The following CSMD2 variants were observed in gnomAD, a reference collection of about 807,000 sequenced individuals.
CSMD2 encodes CUB and Sushi multiple domains 2.
Under a neutral mutation model 398.5 loss-of-function variants are expected in CSMD2, and 130 were observed. That is an observed-to-expected ratio of 0.33 (90% CI 0.28 to 0.38). The LOEUF is 0.38. Ranked by LOEUF, CSMD2 falls within the 10% of genes least tolerant of loss-of-function variation. The pLI is 1.00. For missense variants in CSMD2, 3,829 were observed against 4,764.9 expected (o/e 0.80, Z 5.78); for synonymous variants, 1,828 against 1,908.5 (o/e 0.96, Z 1.10).
intron 1 of CSMD2, among the ~76,000 whole-genome samples, chr1:34,108,285 A>G (rs541474635): frequency 6.7e-6 from 1 of 150,312 alleles, no homozygotes; most frequent in Non-Finnish European, 1.5e-5. Context: ...GAGAGAGAGA[A>G]AAAAAAACCC....
At chr1:33,520,014 C>G (rs540430906) in intron 68 of CSMD2, 64 bp from the exon 69 acceptor site, 1 of 1,581,448 alleles carries the variant, frequency 6.3e-7, no homozygotes, top group Admixed American at 1.7e-5. Context: ...GTTGGCTACC[C>G]TCCCCGACTA....
At chr1:33,826,325 G>C (rs1425305404) in intron 6 of CSMD2, among the ~76,000 whole-genome samples, 1 of 152,132 alleles carries the variant, frequency 6.6e-6, no homozygotes, top group East Asian at 1.9e-4. Context: ...CTTGACTTTG[G>C]GTTTGGCCTT....
At chr1:34,014,601 A>T (rs1647821162) in intron 3 of CSMD2, among the ~76,000 whole-genome samples, 1 of 152,222 alleles carries the variant, frequency 6.6e-6, no homozygotes, top group African/African-American at 2.4e-5. Flanking sequence ...GCAAGCGACC[A>T]CTGTGCCCTA....
intron 10 of CSMD2, among the ~76,000 whole-genome samples, chr1:33,803,310 C>T (rs1321001789): frequency 1.3e-5 from 2 of 152,128 alleles, no homozygotes; most frequent in Non-Finnish European, 2.9e-5. Flanking sequence ...CTATTCTCAC[C>T]CACGTGCTGA....
At chr1:33,782,914 T>C (rs1411465057) in intron 12 of CSMD2, among the ~76,000 whole-genome samples, 1 of 152,108 alleles carries the variant, frequency 6.6e-6, no homozygotes, top group Non-Finnish European at 1.5e-5. Flanking sequence ...GTGCCAGATT[T>C]GGATTCTGGG....
In CSMD2 at chr1:33,567,637, C is replaced by T; in HGVS notation, c.8336G>A (p.Cys2779Tyr). The T allele has an allele frequency of 6.2e-7, 1 of 1,614,210 alleles. No individual in the cohort carries two copies. Among genetic ancestry groups the T allele is most frequent in the Non-Finnish European group, 8.5e-7 (1 of 1,180,018 alleles). Residue 2779 changes from cysteine (C) to tyrosine (Y), a missense_variant, in exon 53 of 71, where the codon TGC becomes TAC. Physicochemically the swap from Cys to Tyr is radical, Grantham distance 194. This residue lies in a region of CSMD2 where 917 missense variants were observed against 1,199.5 expected (regional missense o/e 0.76). Coordinates refer to ENST00000373381, the MANE Select transcript of CSMD2 (RefSeq NM_001281956.2). The part of the protein sequence containing the change: ...FRLIGMSVRI[C>Y]QQDHHWSGKT... Reference sequence around the variant, plus strand: ...GCCCGACCAGTGATGATCCTGCTGGCAGATGCGCACAGACATGCCGATCAG... The same window carrying T: ...GCCCGACCAGTGATGATCCTGCTGGTAGATGCGCACAGACATGCCGATCAG...
chr1:33,911,358 G>C (rs1440778096), intron 5 of CSMD2, among the ~76,000 whole-genome samples: 1 of 152,140 alleles, frequency 6.6e-6, no homozygotes, highest in African/African-American at 2.4e-5. Flanking sequence ...TGGATCTAAT[G>C]GCTCTTAAAT....
chr1:33,530,643 T>A (rs971465306), intron 64 of CSMD2, among the ~76,000 whole-genome samples: 27 of 152,300 alleles, frequency 1.8e-4, no homozygotes, highest in Admixed American at 1.6e-3. Context: ...ATCTGCACTC[T>A]CATGTTTATT....
chr1:33,656,742 T>C (rs1643959075), intron 27 of CSMD2, among the ~76,000 whole-genome samples: 1 of 152,178 alleles, frequency 6.6e-6, no homozygotes, highest in Non-Finnish European at 1.5e-5. Flanking sequence ...ATCCTAGCTC[T>C]GTGATTTGGG....
chr1:33,963,850 A>C (rs1645458123), intron 3 of CSMD2, among the ~76,000 whole-genome samples: 1 of 152,272 alleles, frequency 6.6e-6, no homozygotes, highest in Non-Finnish European at 1.5e-5. Flanking sequence ...TGTTCTTACA[A>C]ATAGAACCAC....
intron 2 of CSMD2, among the ~76,000 whole-genome samples, chr1:34,046,217 C>A (rs1196118711): frequency 6.6e-6 from 1 of 152,212 alleles, no homozygotes; most frequent in Non-Finnish European, 1.5e-5. Flanking sequence ...AGTGTCCAAT[C>A]TGAGTCCAAG....
chr1:33,710,593 CT>C (rs1163266650), intron 21 of CSMD2, among the ~76,000 whole-genome samples: 1 of 152,140 alleles, frequency 6.6e-6, no homozygotes, highest in Non-Finnish European at 1.5e-5. Flanking sequence ...AGCAAATCTG[CT>C]TTCTCTAAAC....
chr1:34,143,672 A>C (rs1268068209), intron 1 of CSMD2, among the ~76,000 whole-genome samples: 4 of 152,198 alleles, frequency 2.6e-5, no homozygotes, highest in African/African-American at 9.7e-5. Flanking sequence ...CAACTTGGTT[A>C]AACATATACA....
chr1:33,742,010 G>C (rs1441807069), intron 14 of CSMD2, among the ~76,000 whole-genome samples: 1 of 152,238 alleles, frequency 6.6e-6, no homozygotes, highest in Non-Finnish European at 1.5e-5. Context: ...GGGGCCAAGG[G>C]ATATAAAGAT....
At chr1:34,042,004 T>C (rs1486446803) in intron 2 of CSMD2, among the ~76,000 whole-genome samples, 2 of 152,212 alleles carry the variant, frequency 1.3e-5, no homozygotes, top group Non-Finnish European at 2.9e-5. Flanking sequence ...CCTGGTTGAA[T>C]CTTGGGCCAA....
At chr1:33,753,571 T>G (rs575460515) in intron 13 of CSMD2, among the ~76,000 whole-genome samples, 1 of 152,188 alleles carries the variant, frequency 6.6e-6, no homozygotes, top group East Asian at 1.9e-4. Context: ...GTCCCACCAG[T>G]GAAGTGCCTG....
At chr1:34,154,727 CTTTTT>C (rs10709808) in intron 1 of CSMD2, among the ~76,000 whole-genome samples, 1 of 113,160 alleles carries the variant, frequency 8.8e-6, no homozygotes, top group Non-Finnish European at 1.8e-5. Flanking sequence ...AGGATCCAGG[CTTTTT>C]TTTTTTTTTT....
At chr1:33,735,058 C>T (rs767708764) in intron 15 of CSMD2, among the ~76,000 whole-genome samples, 7 of 152,228 alleles carry the variant, frequency 4.6e-5, no homozygotes, top group African/African-American at 9.6e-5. Flanking sequence ...TAATTTTCTA[C>T]GGGGATGTCG....
intron 23 of CSMD2, 52 bp from the exon 24 acceptor site, chr1:33,698,996 A>G: frequency 8.8e-6 from 13 of 1,485,364 alleles, no homozygotes; most frequent in African/African-American, 1.4e-5. Flanking sequence ...GGCAGAAACC[A>G]TGCTTCCTCT....
Sources: allele counts gnomAD v4.1 joint callset (sites outside exome capture counted in the v4.1 genomes callset), GRCh38; gene constraint gnomAD v4.1.1; regional missense constraint gnomAD v4.1.1; transcripts MANE v1.5; gene names NCBI Gene and HGNC (gene_info 2026-07-23, HGNC 2026-07-21).